The following DPP6 variants were observed in gnomAD, a reference collection of about 807,000 sequenced individuals.
The protein encoded by DPP6 is dipeptidyl peptidase like 6, also known as A-type potassium channel modulatory protein DPP6.
A neutral mutation model predicts 122.6 loss-of-function variants in DPP6; 69 were observed. The ratio of observed to expected loss-of-function variants is 0.56; its 90% CI spans 0.46 to 0.69. DPP6 has a LOEUF of 0.69. Among genes scored for constraint, DPP6 ranks in the 30% least tolerant of loss-of-function variants. DPP6 has a pLI of 0.00. For synonymous variants in DPP6, 418 were observed against 433.1 expected (o/e 0.97, Z 0.43); for missense variants, 928 against 1,116.9 (o/e 0.83, Z 2.41).
intron 2 of DPP6, among the ~76,000 whole-genome samples, chr7:154,466,493 C>G (rs765236107): frequency 2.0e-5 from 3 of 152,188 alleles, no homozygotes; most frequent in Non-Finnish European, 4.4e-5. Flanking sequence ...TGTATCCTCT[C>G]CCTGCTTTTT....
At chr7:154,212,523 G>A (rs996292710) in intron 1 of DPP6, among the ~76,000 whole-genome samples, 2 of 152,130 alleles carry the variant, frequency 1.3e-5, no homozygotes, top group Non-Finnish European at 2.9e-5. Context: ...AGTGCTGGGG[G>A]TCCCTTTAGC....
intron 8 of DPP6, among the ~76,000 whole-genome samples, chr7:154,730,179 C>A (rs1422268858): frequency 5.3e-5 from 8 of 152,152 alleles, no homozygotes; most frequent in Non-Finnish European, 1.5e-5. Context: ...CCTGTTTGCT[C>A]CCTGATATCT....
chr7:154,080,377 C>A (rs1204618037), intron 1 of DPP6, among the ~76,000 whole-genome samples: 2 of 152,060 alleles, frequency 1.3e-5, no homozygotes, highest in Non-Finnish European at 2.9e-5. Flanking sequence ...TCTGATTAAC[C>A]CCAGTCCTGG....
At chr7:153,793,679 G>C in the DPP6 span, among the ~76,000 whole-genome samples, 2 of 149,724 alleles carry the variant, frequency 1.3e-5, no homozygotes, top group Non-Finnish European at 3.0e-5. Flanking sequence ...GGCCACATCA[G>C]AGGTCTTCAT....
intron 1 of DPP6, among the ~76,000 whole-genome samples, chr7:154,315,618 C>T (rs746707875): frequency 6.6e-5 from 10 of 152,040 alleles, no homozygotes; most frequent in Non-Finnish European, 1.3e-4. Flanking sequence ...GCCATCACCT[C>T]TGGGGGGCTG....
chr7:153,944,784 C>T (rs1801870699), intron 1 of DPP6, among the ~76,000 whole-genome samples: 1 of 150,922 alleles, frequency 6.6e-6, no homozygotes. Flanking sequence ...GCACACACCA[C>T]CACGCCTGGC....
intron 1 of DPP6, among the ~76,000 whole-genome samples, chr7:153,897,449 T>G (rs1385089795): frequency 2.0e-5 from 3 of 152,216 alleles, no homozygotes; most frequent in African/African-American, 7.2e-5. Flanking sequence ...AAGTTCTGTT[T>G]GTTAAAATGG....
At chr7:154,156,208 G>A (rs1196668787) in intron 1 of DPP6, among the ~76,000 whole-genome samples, 2 of 152,260 alleles carry the variant, frequency 1.3e-5, no homozygotes, top group African/African-American at 4.8e-5. Context: ...CAGGAGAGTG[G>A]GGAGGTGAGC....
the DPP6 span, among the ~76,000 whole-genome samples, chr7:153,848,960 G>A: frequency 6.6e-6 from 1 of 151,936 alleles, no homozygotes; most frequent in African/African-American, 2.4e-5. Context: ...CCATATCTTA[G>A]GTCTAATACA....
chr7:154,326,971 C>G (rs892085608), intron 1 of DPP6, among the ~76,000 whole-genome samples: 5 of 152,020 alleles, frequency 3.3e-5, no homozygotes, highest in Non-Finnish European at 5.9e-5. Context: ...GAGAGGGACG[C>G]AAAAAGGCGT....
chr7:153,868,645 A>C, the DPP6 span, among the ~76,000 whole-genome samples: 1 of 151,870 alleles, frequency 6.6e-6, no homozygotes, highest in African/African-American at 2.4e-5. Flanking sequence ...GTGTGTCTCT[A>C]TTTCCTTCAG....
At chr7:154,559,955 T>TG (rs1830313046) in intron 4 of DPP6, among the ~76,000 whole-genome samples, 3 of 86,194 alleles carry the variant, frequency 3.5e-5, no homozygotes, top group Non-Finnish European at 6.8e-5. Context: ...TAGATATATA[T>TG]AAGATATATA....
At chr7:154,371,459 A>G (rs1028210557) in intron 1 of DPP6, among the ~76,000 whole-genome samples, 1 of 152,038 alleles carries the variant, frequency 6.6e-6, no homozygotes. Context: ...CAGTGAAAAA[A>G]TATCACCTCC....
rs541461183 is a variant in DPP6 at position 154,418,977 on chromosome 7, T to G, written c.244-27237T>G. Among the ~76,000 whole-genome samples, 15 of 152,316 alleles carry G rather than the reference T, an allele frequency of 9.8e-5. No individual in the cohort carries two copies. The South Asian group carries it at 2.1e-3, about 21-fold the overall frequency. Reference sequence around the variant, plus strand: ...GCACTTGACCTGTGTTTTAGGCAATTGTGAGTTAATGGAAATGATATTAGC... The same window carrying G: ...GCACTTGACCTGTGTTTTAGGCAATGGTGAGTTAATGGAAATGATATTAGC... On this transcript the variant is annotated intron_variant, in intron 1 of 25. Coordinates refer to ENST00000377770, the MANE Select transcript of DPP6 (RefSeq NM_130797.4).
intron 4 of DPP6, among the ~76,000 whole-genome samples, chr7:154,554,896 A>G (rs1479621712): frequency 6.6e-6 from 1 of 152,216 alleles, no homozygotes; most frequent in South Asian, 2.1e-4. Flanking sequence ...AAAATGATAG[A>G]AAAATCCTTA....
intron 5 of DPP6, among the ~76,000 whole-genome samples, chr7:154,584,272 C>T (rs111902995): frequency 0.035 from 5,340 of 152,316 alleles, 313 homozygotes; most frequent in African/African-American, 0.12. Context: ...CTGCTGGGAG[C>T]ACCTGCCTCC....
At chr7:154,520,383 A>G (rs1826873472) in intron 3 of DPP6, among the ~76,000 whole-genome samples, 1 of 152,256 alleles carries the variant, frequency 6.6e-6, no homozygotes, top group South Asian at 2.1e-4. Flanking sequence ...ATGAAAGAGG[A>G]GAGGGGACTA....
At chr7:154,335,708 C>T (rs1350751754) in intron 1 of DPP6, among the ~76,000 whole-genome samples, 1 of 152,108 alleles carries the variant, frequency 6.6e-6, no homozygotes, top group East Asian at 1.9e-4. Flanking sequence ...AATGCAGGCT[C>T]AGGAAAGTGA....
At chr7:154,394,391 T>C (rs534954324) in intron 1 of DPP6, among the ~76,000 whole-genome samples, 1 of 150,550 alleles carries the variant, frequency 6.6e-6, no homozygotes. Flanking sequence ...TGTACCTTTT[T>C]TGGAGAACTG....
Sources: allele counts gnomAD v4.1 joint callset (sites outside exome capture counted in the v4.1 genomes callset), GRCh38; gene constraint gnomAD v4.1.1; transcripts MANE v1.5; gene names NCBI Gene and HGNC (gene_info 2026-07-23, HGNC 2026-07-21).